ZBTB46: variants seen among roughly 807,000 people sequenced by gnomAD.
The protein encoded by ZBTB46 is zinc finger and BTB domain containing 46.
In ZBTB46, 8 loss-of-function variants were observed where a neutral mutation model predicts 44.1. The observed-to-expected ratio is 0.18, with a 90% CI of 0.11 to 0.33. The LOEUF (loss-of-function observed/expected upper bound fraction) is 0.33, where lower values mean the gene tolerates loss of function less well. Ranked by LOEUF, ZBTB46 falls within the 10% of genes least tolerant of loss-of-function variation. ZBTB46 has a pLI of 1.00. For missense variants in ZBTB46, 651 were observed against 847.7 expected (o/e 0.77, Z 2.88); for synonymous variants, 409 against 382.3 (o/e 1.07, Z -0.81).
At chr20:63,788,905 G>A (rs1459682398) in intron 2 of ZBTB46, among the ~76,000 whole-genome samples, 1 of 148,112 alleles carries the variant, frequency 6.8e-6, no homozygotes, top group Non-Finnish European at 1.5e-5. Flanking sequence ...GCGCGATCTC[G>A]GCTCACCACA....
At chr20:63,808,845 G>GC (rs1401948469) in intron 1 of ZBTB46, among the ~76,000 whole-genome samples, 1 of 151,684 alleles carries the variant, frequency 6.6e-6, no homozygotes, top group Non-Finnish European at 1.5e-5. Context: ...GGGCGTGGTG[G>GC]GGGCGCCTGC....
chr20:63,818,827 G>A (rs550527928), intron 1 of ZBTB46, among the ~76,000 whole-genome samples: 13 of 145,560 alleles, frequency 8.9e-5, no homozygotes, highest in South Asian at 4.4e-4. Flanking sequence ...AGCCGAGATC[G>A]CGCCACTGCA....
Position 63,752,263 on chromosome 20 carries a change from T to A in ZBTB46, c.1398+423A>T, listed in dbSNP as rs536556871. Among the ~76,000 whole-genome samples, 4 of 151,586 alleles carry A rather than the reference T, an allele frequency of 2.6e-5. No individual in the cohort carries two copies. The highest frequency in any genetic ancestry group is 5.9e-5 in the Non-Finnish European group (4 of 67,826). On this transcript the variant is annotated intron_variant, in intron 4 of 4. Transcript: ENST00000245663. The surrounding 1 kb of genome is among the most constrained non-coding windows in gnomAD (Gnocchi z 5.6). ...ATCCATCCACTCCACACCTGCTACCTGACAACGACCTGCCAGTGCTGAGCT... is the reference window on the plus strand; with the variant it reads ...ATCCATCCACTCCACACCTGCTACCAGACAACGACCTGCCAGTGCTGAGCT...
At chr20:63,810,375 A>G (rs576397267) in intron 1 of ZBTB46, among the ~76,000 whole-genome samples, 2 of 152,332 alleles carry the variant, frequency 1.3e-5, no homozygotes, top group South Asian at 4.1e-4. Flanking sequence ...ATGAGAACAG[A>G]AAGCCCAGCT....
At chr20:63,778,517 C>T (rs2092443080) in intron 2 of ZBTB46, among the ~76,000 whole-genome samples, 1 of 152,212 alleles carries the variant, frequency 6.6e-6, no homozygotes, top group Admixed American at 6.5e-5. Flanking sequence ...GCAAACACCC[C>T]TGGAACAAAC....
At chr20:63,779,318 G>A (rs561400311) in intron 2 of ZBTB46, among the ~76,000 whole-genome samples, 4 of 151,742 alleles carry the variant, frequency 2.6e-5, no homozygotes, top group South Asian at 2.1e-4. Flanking sequence ...TCAGCTCACC[G>A]CAACCTCCGC....
At position 63,746,507 on chromosome 20, in the gene ZBTB46, G is replaced by A. The variant is rs1029926907; in HGVS notation, c.*423C>T. On this transcript the variant is annotated 3_prime_UTR_variant, in exon 5 of 5. Transcript: ENST00000245663. The stretch of plus-strand genomic sequence containing the variant: ...AGGGCGGGCTCCAGCCGGGCTGACC[G>A]GGTGTCTGTAAAACTCTGCACCTGC... 2 of 170,082 alleles carry A rather than the reference G, an allele frequency of 1.2e-5. No homozygotes were observed. Among genetic ancestry groups the A allele is most frequent in the East Asian group, 1.6e-4 (1 of 6,120 alleles). The allele number at this position is 170,082 out of a possible 1,614,324, so 10.5% of individuals were successfully genotyped here. A position where few individuals can be genotyped will look rare whatever the true frequency, so the allele number is the denominator to read the frequency against.
At chr20:63,811,688 C>T (rs770189733) in intron 1 of ZBTB46, among the ~76,000 whole-genome samples, 23 of 152,170 alleles carry the variant, frequency 1.5e-4, no homozygotes, top group Non-Finnish European at 3.2e-4. Context: ...CACCTTGCAG[C>T]CAGGTGAGCT....
At chr20:63,780,872 T>A (rs575015825) in intron 2 of ZBTB46, among the ~76,000 whole-genome samples, 1 of 151,326 alleles carries the variant, frequency 6.6e-6, no homozygotes, top group South Asian at 2.1e-4. Flanking sequence ...GGCTCACGCC[T>A]GTAATCCCAA....
Position 63,809,564 on chromosome 20 carries a change from C to G in ZBTB46, c.-33-18774G>C, listed in dbSNP as rs73143572. On this transcript the variant is annotated intron_variant, in intron 1 of 4. Transcript: ENST00000245663. ...CCTCCCTTCCTCTCCCCTCTTCTCC[C>G]TTACGAAGTTAGCCGTGTGGTGGCC... Among the ~76,000 whole-genome samples the G allele has an allele frequency of 4.2e-3, 636 of 152,338 alleles. 2 individuals carry two copies. Among genetic ancestry groups the G allele is most frequent in the Non-Finnish European group, 6.1e-3 (414 of 68,028 alleles).
chr20:63,757,370 G>A (rs1024278908), intron 3 of ZBTB46, among the ~76,000 whole-genome samples: 6 of 152,092 alleles, frequency 3.9e-5, no homozygotes, highest in Admixed American at 1.3e-4. Context: ...TGATCCACCC[G>A]CCTCGGCCTC....
chr20:63,806,131 G>A (rs1029544899), intron 1 of ZBTB46, among the ~76,000 whole-genome samples: 1 of 151,556 alleles, frequency 6.6e-6, no homozygotes, highest in Non-Finnish European at 1.5e-5. Context: ...GCTGGGAAAG[G>A]TGGCTCACGC....
At chr20:63,777,302 TTAAAA>T (rs1433464178) in intron 2 of ZBTB46, among the ~76,000 whole-genome samples, 2 of 151,832 alleles carry the variant, frequency 1.3e-5, no homozygotes, top group Non-Finnish European at 2.9e-5. Context: ...GGACAAAAAG[TTAAAA>T]TAAAACAAAA....
At chr20:63,818,001 C>T (rs1170605143) in intron 1 of ZBTB46, among the ~76,000 whole-genome samples, 4 of 152,320 alleles carry the variant, frequency 2.6e-5, no homozygotes, top group South Asian at 2.1e-4. Flanking sequence ...TCCCATGTAA[C>T]GCAGCCCCAG....
intron 1 of ZBTB46, among the ~76,000 whole-genome samples, chr20:63,807,375 C>T (rs1458024803): frequency 2.0e-5 from 3 of 152,038 alleles, no homozygotes; most frequent in African/African-American, 7.3e-5. Flanking sequence ...AGTTTGGTCT[C>T]GCTCTGTCAC....
chr20:63,756,194 C>T (rs1377004527), intron 3 of ZBTB46, among the ~76,000 whole-genome samples: 3 of 152,236 alleles, frequency 2.0e-5, no homozygotes, highest in African/African-American at 7.2e-5. Context: ...GCGCTTTCCG[C>T]TCCAGGAGAA....
At chr20:63,749,512 A>G (rs2092138483) in intron 4 of ZBTB46, among the ~76,000 whole-genome samples, 1 of 151,794 alleles carries the variant, frequency 6.6e-6, no homozygotes, top group South Asian at 2.1e-4. Context: ...AATTTTTTGT[A>G]TTTTTAGTAG....
chr20:63,803,524 T>G lies in ZBTB46; in HGVS notation c.-33-12734A>C. Reference sequence around the variant, plus strand: ...ACATGGCAGCCCCCATGTGGCCATCTGAAGATGCAAAGCCATGTCTGCCGG... The same window carrying G: ...ACATGGCAGCCCCCATGTGGCCATCGGAAGATGCAAAGCCATGTCTGCCGG... On this transcript the variant is annotated intron_variant, in intron 1 of 4. Transcript: ENST00000245663. The surrounding 1 kb of genome is among the most constrained non-coding windows in gnomAD (Gnocchi z 4.0). The G allele has an allele frequency of 2.0e-6, 2 of 985,218 alleles. No homozygotes were observed. Among genetic ancestry groups the G allele is most frequent in the African/African-American group, 1.7e-5 (1 of 57,270 alleles). The allele number at this position is 985,218 out of a possible 1,614,324, so 61.0% of individuals were successfully genotyped here.
chr20:63,828,978 C>T (rs1253244933), intron 1 of ZBTB46, among the ~76,000 whole-genome samples: 1 of 152,244 alleles, frequency 6.6e-6, no homozygotes, highest in African/African-American at 2.4e-5. Context: ...AAAAACCCCA[C>T]GTCAGGGCAG....
Sources: gnomAD v4.1 joint callset for allele counts (sites outside exome capture counted in the v4.1 genomes callset) on GRCh38, gnomAD v4.1.1 for gene constraint, Gnocchi (gnomAD v3.1) non-coding constraint, MANE v1.5 for transcripts, NCBI Gene and HGNC (gene_info 2026-07-23, HGNC 2026-07-21) for gene names.